The following ADD1 variants were observed in gnomAD, a reference collection of about 807,000 sequenced individuals.
The protein encoded by ADD1 is adducin 1.
Under a neutral mutation model 80.5 loss-of-function variants are expected in ADD1, and 24 were observed. The observed-to-expected ratio is 0.30, with a 90% CI of 0.22 to 0.42. ADD1 has a LOEUF of 0.42. Among genes scored for constraint, ADD1 ranks in the 10% least tolerant of loss-of-function variants. The pLI is 1.00. For missense variants in ADD1, 948 were observed against 1,019.0 expected, an observed-to-expected ratio of 0.93 and a Z score of 0.95; for synonymous variants, 373 against 393.8, an observed-to-expected ratio of 0.95 and a Z score of 0.63.
intron 11 of ADD1, 33 bp downstream of exon 11, chr4:2,907,877 G>A: frequency 1.3e-6 from 2 of 1,576,534 alleles, no homozygotes; most frequent in Non-Finnish European, 1.7e-6. Context: ...GCGGGGGCTT[G>A]GGTGTGGGAT....
At position 2,920,080 on chromosome 4, in the gene ADD1, G is replaced by C. The variant is rs144689630; in HGVS notation, c.1948+5040G>C. ...TTTCAAAGAACTTATTTATTTCTGC[G>C]TGAATTTTGTTATTTACCCAGTAGT... On this transcript the variant is annotated intron_variant, in intron 14 of 15. Coordinates refer to ENST00000683351, the MANE Select transcript of ADD1 (RefSeq NM_001354761.2). Among the ~76,000 whole-genome samples, 166 of 152,146 alleles carry C rather than the reference G, an allele frequency of 1.1e-3. 1 individual carries two copies. The highest frequency in any genetic ancestry group is 3.5e-3 in the Admixed American group (54 of 15,258).
chr4:2,852,788 C>A (rs919548190), intron 1 of ADD1, among the ~76,000 whole-genome samples: 2 of 149,248 alleles, frequency 1.3e-5, no homozygotes, highest in South Asian at 4.2e-4. Flanking sequence ...GCAGCCTTGA[C>A]CTCGTGGGCC....
chr4:2,885,757 C>G (rs1003300768), intron 4 of ADD1, among the ~76,000 whole-genome samples: 5 of 151,858 alleles, frequency 3.3e-5, no homozygotes, highest in East Asian at 1.9e-4. Flanking sequence ...CTACAGGCGC[C>G]CGCCACCACG....
chr4:2,908,652 CCG>C, intron 12 of ADD1, 48 bp downstream of exon 12: 1 of 1,463,884 alleles, frequency 6.8e-7, no homozygotes, highest in Non-Finnish European at 9.6e-7. Flanking sequence ...GGCTGTGTGA[CCG>C]CCTGCTCCAA....
chr4:2,919,984 A>C (rs1219882767), intron 14 of ADD1, among the ~76,000 whole-genome samples: 1 of 152,210 alleles, frequency 6.6e-6, no homozygotes, highest in African/African-American at 2.4e-5. Flanking sequence ...TTAGTGCTAT[A>C]AATTTCCCTC....
At chr4:2,897,661 A>G (rs1735482863) in intron 6 of ADD1, among the ~76,000 whole-genome samples, 1 of 149,968 alleles carries the variant, frequency 6.7e-6, no homozygotes, top group Non-Finnish European at 1.5e-5. Context: ...TCTTGACTAC[A>G]GGTGCATGCC....
At chr4:2,867,338 C>T (rs1729700395) in intron 1 of ADD1, among the ~76,000 whole-genome samples, 1 of 152,142 alleles carries the variant, frequency 6.6e-6, no homozygotes, top group Non-Finnish European at 1.5e-5. Flanking sequence ...GAGGTAACTC[C>T]ATACGTGTTG....
intron 3 of ADD1, among the ~76,000 whole-genome samples, chr4:2,882,567 C>T (rs1368194558): frequency 4.6e-5 from 7 of 152,206 alleles, no homozygotes. Context: ...AAAGCATCAA[C>T]TAATCTGAGC....
intron 1 of ADD1, among the ~76,000 whole-genome samples, chr4:2,868,945 A>G (rs1361681612): frequency 6.6e-6 from 1 of 152,162 alleles, no homozygotes; most frequent in East Asian, 1.9e-4. Flanking sequence ...CATTAAAAAT[A>G]TGTGGAACAC....
intron 1 of ADD1, among the ~76,000 whole-genome samples, chr4:2,852,193 TCTTTC>T (rs1475380964): frequency 6.3e-4 from 49 of 78,304 alleles, no homozygotes; most frequent in African/African-American, 1.7e-3. Context: ...TTTCTTTCTT[TCTTTC>T]CTTTCTTTCC....
intron 13 of ADD1, among the ~76,000 whole-genome samples, chr4:2,912,309 C>G (rs1029008660): frequency 9.2e-5 from 14 of 152,130 alleles, no homozygotes; most frequent in Non-Finnish European, 1.6e-4. Context: ...TGTGTCCTTT[C>G]TTGCAGAGGA....
In ADD1 at chr4:2,929,974, A is replaced by AT. The variant is rs1491536908; in HGVS notation, c.*1452dup. The AT allele has an allele frequency of 6.6e-6, 1 of 152,582 alleles. No homozygotes were observed. Among genetic ancestry groups the AT allele is most frequent in the Non-Finnish European group, 1.5e-5 (1 of 68,048 alleles). 9.5% of individuals were successfully genotyped at this position (152,582 alleles called of 1,614,324 possible). A position where few individuals can be genotyped will look rare whatever the true frequency, so the allele number is the denominator to read the frequency against. On this transcript the variant is annotated 3_prime_UTR_variant, in exon 16 of 16. Transcript: ENST00000683351. ...GTATTACAACATGAAATATAGTTGC[A>AT]TATATGGACACCGACTTGGGAGGAC... is the stretch of plus-strand genomic sequence containing the variant.
At chr4:2,922,689 C>T (rs1740259449) in intron 14 of ADD1, among the ~76,000 whole-genome samples, 1 of 152,258 alleles carries the variant, frequency 6.6e-6, no homozygotes, top group South Asian at 2.1e-4. Context: ...CCACCGCTCT[C>T]TTCAGAGCCA....
intron 1 of ADD1, among the ~76,000 whole-genome samples, chr4:2,870,220 C>G (rs1052286842): frequency 1.3e-5 from 2 of 152,202 alleles, no homozygotes; most frequent in Non-Finnish European, 2.9e-5. Flanking sequence ...AAAAATTTGT[C>G]TGGTATCTGA....
At chr4:2,901,279 C>G (rs981568132) in intron 9 of ADD1, 3 of 152,176 alleles carry the variant, frequency 2.0e-5, no homozygotes, top group Admixed American at 2.0e-4. Context: ...TGCTGCTCTT[C>G]TACTTACAGT....
chr4:2,859,532 C>A (rs896733295), intron 1 of ADD1, among the ~76,000 whole-genome samples: 1 of 152,126 alleles, frequency 6.6e-6, no homozygotes, highest in Non-Finnish European at 1.5e-5. Flanking sequence ...TTCATGCTCA[C>A]ATACTGAGAG....
intron 3 of ADD1, 101 bp from the exon 4 acceptor site, chr4:2,884,414 C>T (rs1309762407): frequency 1.1e-6 from 1 of 948,734 alleles, no homozygotes; most frequent in Non-Finnish European, 1.5e-6. Context: ...CAGCCTCAAA[C>T]TCATGGCTTC....
At position 2,899,264 on chromosome 4, in the gene ADD1, A is replaced by G; in HGVS notation, c.990A>G (p.Arg330=). 1 of 1,607,654 alleles carries G rather than the reference A, an allele frequency of 6.2e-7. No homozygotes were observed. Among genetic ancestry groups the G allele is most frequent in the Non-Finnish European group, 8.5e-7 (1 of 1,175,036 alleles). ...NLVVACEIQV[R]TLASAGGPDN... is the part of the protein sequence containing the mutation. ...CTGTGTGTGTTTTGGAAAAGGTTCG[A>G]ACTCTGGCCAGTGCAGGAGGACCAG... Residue 330 remains arginine, a synonymous_variant, in exon 9 of 16, where the codon CGA becomes CGG. Transcript: ENST00000683351.
chr4:2,920,160 T>C (rs1416782232), intron 14 of ADD1, among the ~76,000 whole-genome samples: 2 of 152,238 alleles, frequency 1.3e-5, no homozygotes, highest in Non-Finnish European at 2.9e-5. Context: ...TGAGTGAGTT[T>C]CTTAATCCTG....
Sources: gnomAD v4.1 joint callset for allele counts (sites outside exome capture counted in the v4.1 genomes callset) on GRCh38, gnomAD v4.1.1 for gene constraint, MANE v1.5 for transcripts, NCBI Gene and HGNC (gene_info 2026-07-23, HGNC 2026-07-21) for gene names.